RFTN2: variants seen among roughly 807,000 people sequenced by gnomAD.
The protein encoded by RFTN2 is raftlin-2.
In RFTN2, 34 loss-of-function variants were observed where a neutral mutation model predicts 52.7. The observed-to-expected ratio is 0.64, with a 90% CI of 0.49 to 0.86. The LOEUF (loss-of-function observed/expected upper bound fraction) is 0.86. RFTN2 is among the 40% of genes least tolerant of loss of function. The pLI, the probability that RFTN2 is intolerant of heterozygous loss-of-function variation, is 0.00. For synonymous variants in RFTN2, 203 were observed against 217.7 expected (o/e 0.93, Z 0.59); for missense variants, 536 against 600.1 (o/e 0.89, Z 1.12).
chr2:197,643,440 CT>C (rs1281983246), intron 3 of RFTN2, among the ~76,000 whole-genome samples: 5 of 152,106 alleles, frequency 3.3e-5, no homozygotes, highest in Admixed American at 6.5e-5. Context: ...ATTAAATTTC[CT>C]GGTTTAATAC....
chr2:197,574,294 C>T (rs2087376001), intron 8 of RFTN2, among the ~76,000 whole-genome samples: 1 of 152,194 alleles, frequency 6.6e-6, no homozygotes, highest in Non-Finnish European at 1.5e-5. Flanking sequence ...CCATCTCTTG[C>T]ATCAGTGTGA....
rs574718158 is a variant in RFTN2 at position 197,625,706 on chromosome 2, C to A, written c.928+5305G>T. ...CTCCTCTCCTCTCCTCTCCTCTCCTCTCCTCTCCTCTCCTCCCCTCCCTTC... is the reference window on the plus strand; with the variant it reads ...CTCCTCTCCTCTCCTCTCCTCTCCTATCCTCTCCTCTCCTCCCCTCCCTTC... On this transcript the variant is annotated intron_variant, in intron 5 of 8. Transcript: ENST00000295049. Among the ~76,000 whole-genome samples, 192 of 141,656 alleles carry A rather than the reference C, an allele frequency of 1.4e-3. 3 individuals are homozygous for A. Among genetic ancestry groups the A allele is most frequent in the Middle Eastern group, 7.6e-3 (2 of 262 alleles). The allele number at this position is 141,656 out of a possible 152,430, so 92.9% of individuals were successfully genotyped here. A position where few individuals can be genotyped will look rare whatever the true frequency, so the allele number is the denominator to read the frequency against.
chr2:197,570,321 G>T lies in RFTN2; in HGVS notation c.*1687C>A, dbSNP rs762673955. The T allele has an allele frequency of 1.6e-4, 24 of 152,180 alleles. No homozygotes were observed. Among genetic ancestry groups the T allele is most frequent in the Admixed American group, 1.5e-3 (23 of 15,274 alleles). The allele number at this position is 152,180 out of a possible 1,614,324, so 9.4% of individuals were successfully genotyped here. ...ATTCCTTTATACTGTACTTCTGGAT[G>T]ATAAAAGTGGAATAATTCCTGTTAA... On this transcript the variant is annotated 3_prime_UTR_variant, in exon 9 of 9. Coordinates refer to ENST00000295049, the MANE Select transcript of RFTN2 (RefSeq NM_144629.3).
chr2:197,599,492 G>A (rs1001909886), intron 7 of RFTN2, among the ~76,000 whole-genome samples: 1 of 152,036 alleles, frequency 6.6e-6, no homozygotes, highest in Non-Finnish European at 1.5e-5. Flanking sequence ...AGCGGATCCC[G>A]AGGCAGTGTG....
intron 8 of RFTN2, among the ~76,000 whole-genome samples, chr2:197,572,974 T>C (rs1489084158): frequency 6.6e-6 from 1 of 152,168 alleles, no homozygotes; most frequent in Non-Finnish European, 1.5e-5. Flanking sequence ...CTGCCATGAC[T>C]GTGAGGCCTC....
At chr2:197,641,694 G>A (rs1014564989) in intron 3 of RFTN2, among the ~76,000 whole-genome samples, 1 of 152,124 alleles carries the variant, frequency 6.6e-6, no homozygotes. Context: ...GTGAACACTG[G>A]TATAATGTTA....
intron 1 of RFTN2, among the ~76,000 whole-genome samples, chr2:197,650,363 T>A (rs1160884706): frequency 5.9e-5 from 9 of 152,178 alleles, no homozygotes; most frequent in Non-Finnish European, 1.3e-4. Flanking sequence ...ATAAGAGGAA[T>A]CATATTGACA....
chr2:197,573,545 T>C (rs1174641225), intron 8 of RFTN2, among the ~76,000 whole-genome samples: 2 of 152,228 alleles, frequency 1.3e-5, no homozygotes, highest in Non-Finnish European at 2.9e-5. Flanking sequence ...TGGTTTGGAA[T>C]TGGAACTTAT....
At chr2:197,619,396 T>C (rs1447587615) in intron 5 of RFTN2, among the ~76,000 whole-genome samples, 1 of 152,272 alleles carries the variant, frequency 6.6e-6, no homozygotes, top group Non-Finnish European at 1.5e-5. Context: ...TGTTCTGTAC[T>C]AAGAGAAATT....
chr2:197,604,412 C>T (rs575876848), intron 7 of RFTN2, among the ~76,000 whole-genome samples: 16 of 152,240 alleles, frequency 1.1e-4, no homozygotes, highest in East Asian at 1.9e-4. Context: ...CTGCTGCACA[C>T]GGCATAGGTA....
chr2:197,588,713 A>G (rs2087640965), intron 8 of RFTN2, among the ~76,000 whole-genome samples: 1 of 152,216 alleles, frequency 6.6e-6, no homozygotes, highest in Non-Finnish European at 1.5e-5. Flanking sequence ...GCTGGGTCAT[A>G]TGGTAAATGT....
chr2:197,643,358 G>T (rs565866656), intron 3 of RFTN2, among the ~76,000 whole-genome samples: 2 of 152,184 alleles, frequency 1.3e-5, no homozygotes, highest in Non-Finnish European at 2.9e-5. Context: ...CTCCAAAAGT[G>T]TTGGGATTAC....
intron 1 of RFTN2, among the ~76,000 whole-genome samples, chr2:197,647,488 G>T (rs2088770264): frequency 6.6e-6 from 1 of 152,130 alleles, no homozygotes; most frequent in East Asian, 1.9e-4. Context: ...GGGATTATAG[G>T]TGTGAGCCAG....
intron 7 of RFTN2, among the ~76,000 whole-genome samples, chr2:197,611,602 T>A (rs1386976051): frequency 6.6e-6 from 1 of 152,202 alleles, no homozygotes; most frequent in Non-Finnish European, 1.5e-5. Context: ...TTTTTGTGTC[T>A]CTATCTCCTT....
At chr2:197,636,820 T>G in intron 3 of RFTN2, among the ~76,000 whole-genome samples, 1 of 149,050 alleles carries the variant, frequency 6.7e-6, no homozygotes. Flanking sequence ...CTTGTGCCAG[T>G]TTTCAAAGGG....
intron 7 of RFTN2, among the ~76,000 whole-genome samples, chr2:197,609,361 A>C (rs1263940376): frequency 6.6e-6 from 1 of 152,094 alleles, no homozygotes; most frequent in Non-Finnish European, 1.5e-5. Context: ...TATGCTTTTG[A>C]TTTGCATTTC....
At chr2:197,630,385 C>T (rs1574723360) in intron 5 of RFTN2, among the ~76,000 whole-genome samples, 1 of 151,806 alleles carries the variant, frequency 6.6e-6, no homozygotes, top group Non-Finnish European at 1.5e-5. Context: ...CTTTTTTTAA[C>T]CCTCATCTCT....
intron 8 of RFTN2, among the ~76,000 whole-genome samples, chr2:197,594,184 T>A (rs546776411): frequency 2.0e-5 from 3 of 150,714 alleles, no homozygotes; most frequent in East Asian, 4.0e-4. Context: ...CCTGGCTAAT[T>A]TTTGTATTTT....
intron 8 of RFTN2, among the ~76,000 whole-genome samples, chr2:197,579,793 C>G (rs2087475487): frequency 6.6e-6 from 1 of 152,094 alleles, no homozygotes; most frequent in African/African-American, 2.4e-5. Flanking sequence ...TGCTCCCTGC[C>G]AGGCTGAATC....
Sources: gnomAD v4.1 joint callset for allele counts (sites outside exome capture counted in the v4.1 genomes callset) on GRCh38, gnomAD v4.1.1 for gene constraint, MANE v1.5 for transcripts, NCBI Gene and HGNC (gene_info 2026-07-23, HGNC 2026-07-21) for gene names.